Variants in PRDM2 observed in about 807,000 individuals in gnomAD.
PRDM2 encodes PR/SET domain 2, also known as PR domain zinc finger protein 2.
In PRDM2, 30 loss-of-function variants were observed where a neutral mutation model predicts 130.0. That is an observed-to-expected ratio of 0.23 (90% CI 0.17 to 0.31). The LOEUF is 0.31. Ranked by LOEUF, PRDM2 falls within the 10% of genes least tolerant of loss-of-function variation. PRDM2 has a pLI of 1.00. For missense variants in PRDM2, 2,011 were observed against 2,108.4 expected (o/e 0.95, Z 0.90); for synonymous variants, 871 against 782.4 (o/e 1.11, Z -1.89).
In PRDM2 at chr1:13,779,288, T is replaced by C. The variant is rs1217745077; in HGVS notation, c.1493T>C (p.Met498Thr). Residue 498 changes from methionine to threonine, a missense_variant, in exon 8 of 10, where the codon ATG becomes ACG. Met to Thr is a moderately conservative substitution (Grantham distance 81). This residue lies in a region of PRDM2 where 1,288 missense variants were observed against 1,237.7 expected (regional missense o/e 1.04). Coordinates refer to ENST00000311066, the MANE Select transcript of PRDM2 (RefSeq NM_001393986.1). This position sits in a 1 kb window ranked among gnomAD's most constrained non-coding sequence, Gnocchi z 4.9. ...AAGGTTTTTGGAACTCATACTAATA[T>C]GAGACGGCATCAGCGTAGAGTTCAC... ...CKKVFGTHTN[M>T]RRHQRRVHER... 1.2e-6 allele frequency: 2 copies of C among 1,614,100 alleles called. No homozygotes were observed. Among genetic ancestry groups the C allele is most frequent in the Non-Finnish European group, 1.7e-6 (2 of 1,179,996 alleles).
intron 4 of PRDM2, among the ~76,000 whole-genome samples, chr1:13,733,714 A>G (rs983219030): frequency 8.5e-5 from 13 of 152,196 alleles, no homozygotes; most frequent in African/African-American, 2.9e-4. Flanking sequence ...TCCCTGGGGT[A>G]TTGCGTAGGA....
In PRDM2 at chr1:13,749,419, T is replaced by C. The variant is rs757747800; in HGVS notation, c.443T>C (p.Ile148Thr). The C allele has an allele frequency of 6.6e-7, 1 of 1,504,608 alleles. No homozygotes were observed. The highest frequency in any genetic ancestry group is 9.0e-7 in the Non-Finnish European group (1 of 1,113,416). The allele number at this position is 1,504,608 out of a possible 1,614,324, so 93.2% of individuals were successfully genotyped here. The change falls in exon 6 of 10, where the codon ATA (isoleucine) becomes ACA (threonine). Residue 148 changes from isoleucine (I) to threonine (T), a missense_variant. Physicochemically the swap from Ile to Thr is moderately conservative, Grantham distance 89. Coordinates refer to ENST00000311066, the MANE Select transcript of PRDM2 (RefSeq NM_001393986.1). The part of the protein sequence containing the change: ...VWYNGEDNPE[I>T]AAAIEEERAS... ...TACAATGGGGAAGACAACCCTGAGATAGCAGCTGCGATTGAGGAAGAGCGA... is the reference window on the plus strand; with the variant it reads ...TACAATGGGGAAGACAACCCTGAGACAGCAGCTGCGATTGAGGAAGAGCGA...
In PRDM2 at chr1:13,782,731, G is replaced by T. The variant is rs201902236; in HGVS notation, c.4936G>T (p.Gly1646Trp). The part of the protein sequence containing the change: ...RFNIKSRERS[G>W]GPVTRSLQLA... ...CAATATAAAATCTAGAGAGCGGAGT[G>T]GGGGGCCAGTCACCCGGAGCCTTCA... Residue 1646 changes from glycine (G) to tryptophan (W), a missense_variant, in exon 8 of 10, where the codon GGG becomes TGG. Physicochemically the swap from Gly to Trp is radical, Grantham distance 184 (BLOSUM62 -2). Coordinates refer to ENST00000311066, the MANE Select transcript of PRDM2 (RefSeq NM_001393986.1). 1.7e-5 allele frequency: 27 copies of T among 1,613,570 alleles called. No individual in the cohort carries two copies. The highest frequency in any genetic ancestry group is 2.2e-5 in the East Asian group (1 of 44,890).
Position 13,779,869 on chromosome 1 carries a change from AAAC to A in PRDM2, c.2078_2080del (p.Gln693del). On this transcript the variant is annotated inframe_deletion, in exon 8 of 10. Transcript: ENST00000311066. The surrounding 1 kb of genome is among the most constrained non-coding windows in gnomAD (Gnocchi z 4.9). ...AAGTGTTTATTTGTCATCAAAGCTC[AAAC>A]AACTTCTTCAAACCCAAGATAAACT... The A allele has an allele frequency of 7.4e-6, 12 of 1,611,432 alleles. No individual in the cohort carries two copies. The highest frequency in any genetic ancestry group is 9.3e-6 in the Non-Finnish European group (11 of 1,179,682).
At chr1:13,713,344 T>C (rs1642430845) in intron 1 of PRDM2, among the ~76,000 whole-genome samples, 1 of 152,048 alleles carries the variant, frequency 6.6e-6, no homozygotes, top group African/African-American at 2.4e-5. Context: ...ATTGGTGAAA[T>C]GTAGTTAAGA....
intron 1 of PRDM2, among the ~76,000 whole-genome samples, chr1:13,711,385 G>GAATGCAT (rs59155359): frequency 6.6e-6 from 1 of 152,008 alleles, no homozygotes; most frequent in South Asian, 2.1e-4. Context: ...AGTTGCTTTA[G>GAATGCAT]TATTCTATTG....
chr1:13,779,234 A>T lies in PRDM2; in HGVS notation c.1439A>T (p.Lys480Ile). ...SSVVEENGEV[K>I]ELHPCKYCKK... ...GTCGTAGAAGAGAATGGGGAAGTTA[A>T]AGAACTTCATCCGTGCAAATATTGT... The change falls in exon 8 of 10, where the codon AAA becomes ATA. Residue 480 changes from lysine (K) to isoleucine (I), a missense_variant. Physicochemically the swap from Lys to Ile is moderately radical, Grantham distance 102. Coordinates refer to ENST00000311066, the MANE Select transcript of PRDM2 (RefSeq NM_001393986.1). The surrounding 1 kb of genome is among the most constrained non-coding windows in gnomAD (Gnocchi z 4.9). 1 of 1,614,214 alleles carries T rather than the reference A, an allele frequency of 6.2e-7. No individual in the cohort carries two copies. The highest frequency in any genetic ancestry group is 8.5e-7 in the Non-Finnish European group (1 of 1,180,020).
At chr1:13,791,327 C>G (rs1202340995) in intron 8 of PRDM2, among the ~76,000 whole-genome samples, 3 of 152,134 alleles carry the variant, frequency 2.0e-5, no homozygotes, top group Non-Finnish European at 4.4e-5. Flanking sequence ...AAACTTCTAC[C>G]CCCATCACAG....
rs918958663 is a variant in PRDM2 at position 13,749,425 on chromosome 1, C to T, written c.449C>T (p.Ala150Val). The change falls in exon 6 of 10, where the codon GCT becomes GTT. Residue 150 changes from alanine to valine, a missense_variant. By Grantham distance (64) the Ala-to-Val change is moderately conservative. Around this residue, in one of 5 missense-constraint regions of PRDM2, gnomAD observed 1,288 missense variants for 1,237.7 expected, o/e 1.04. Coordinates refer to ENST00000311066, the MANE Select transcript of PRDM2 (RefSeq NM_001393986.1). ...GGGGAAGACAACCCTGAGATAGCAG[C>T]TGCGATTGAGGAAGAGCGAGCCAGC... ...YNGEDNPEIA[A>V]AIEEERASAR... The T allele has an allele frequency of 4.0e-6, 6 of 1,514,032 alleles. No individual in the cohort carries two copies. The highest frequency in any genetic ancestry group is 5.4e-6 in the Non-Finnish European group (6 of 1,119,052). 93.8% of individuals were successfully genotyped at this position (1,514,032 alleles called of 1,614,324 possible).
At chr1:13,720,983 CA>C (rs1487826972) in intron 2 of PRDM2, among the ~76,000 whole-genome samples, 1 of 152,198 alleles carries the variant, frequency 6.6e-6, no homozygotes, top group Admixed American at 6.5e-5. Context: ...ACATGTCTGT[CA>C]CCCCAAAAAG....
At chr1:13,743,876 G>A (rs796981127) in intron 5 of PRDM2, among the ~76,000 whole-genome samples, 35 of 152,202 alleles carry the variant, frequency 2.3e-4, no homozygotes, top group African/African-American at 8.4e-4. Flanking sequence ...TTTTTATTCT[G>A]CTGGATCGTA....
chr1:13,718,456 A>G (rs1642616127), intron 2 of PRDM2, among the ~76,000 whole-genome samples: 1 of 152,316 alleles, frequency 6.6e-6, no homozygotes, highest in Admixed American at 6.5e-5. Flanking sequence ...TACTTTCAGC[A>G]CTGACTATTG....
rs1644618205 is a variant in PRDM2, at chr1:13,781,763, A to G, written c.3968A>G (p.His1323Arg). Residue 1323 changes from histidine to arginine, a missense_variant, in exon 8 of 10, where the codon CAC (histidine) becomes CGC (arginine). Physicochemically the swap from His to Arg is conservative, Grantham distance 29. Around this residue, in one of 5 missense-constraint regions of PRDM2, gnomAD observed 229 missense variants for 364.1 expected, o/e 0.63. Transcript: ENST00000311066. This position sits in a 1 kb window ranked among gnomAD's most constrained non-coding sequence, Gnocchi z 6.1. Reference protein sequence around the residue: ...IGVTATNFTTHNIPQTFTTAI... With the variant: ...IGVTATNFTTRNIPQTFTTAI... ...GTGACAGCCACAAATTTCACTACAC[A>G]CAATATTCCACAGACTTTCACTACC... is the stretch of plus-strand genomic sequence containing the variant. The G allele has an allele frequency of 6.2e-7, 1 of 1,614,092 alleles. No individual in the cohort carries two copies. The highest frequency in any genetic ancestry group is 1.7e-5 in the Admixed American group (1 of 60,004).
At chr1:13,748,053 CA>C (rs1643668495) in intron 5 of PRDM2, among the ~76,000 whole-genome samples, 1 of 152,128 alleles carries the variant, frequency 6.6e-6, no homozygotes, top group Admixed American at 6.5e-5. Context: ...TAGAATGTCC[CA>C]GAGTTTGAGC....
At chr1:13,712,584 G>A (rs1273816469) in intron 1 of PRDM2, among the ~76,000 whole-genome samples, 1 of 151,912 alleles carries the variant, frequency 6.6e-6, no homozygotes, top group Admixed American at 6.6e-5. Context: ...GTGAAACTCC[G>A]TCTCTACTAA....
At chr1:13,766,698 G>A (rs750064716) in intron 6 of PRDM2, among the ~76,000 whole-genome samples, 16 of 152,130 alleles carry the variant, frequency 1.1e-4, no homozygotes, top group Non-Finnish European at 1.0e-4. Flanking sequence ...AGTGAAGATC[G>A]GATGGACCTA....
At chr1:13,819,367 C>T (rs574295556) in intron 9 of PRDM2, among the ~76,000 whole-genome samples, 36 of 152,306 alleles carry the variant, frequency 2.4e-4, no homozygotes, top group African/African-American at 8.7e-4. Flanking sequence ...GTTTCCCAAG[C>T]GAAGCGATCA....
chr1:13,735,657 C>T (rs189161010), intron 4 of PRDM2, among the ~76,000 whole-genome samples: 12 of 152,230 alleles, frequency 7.9e-5, no homozygotes, highest in East Asian at 7.7e-4. Flanking sequence ...CACTGCCTTC[C>T]CCATTATCAA....
chr1:13,781,978 C>A lies in PRDM2; in HGVS notation c.4183C>A (p.Arg1395=). The change falls in exon 8 of 10, where the codon CGA becomes AGA. Residue 1395 remains arginine, a synonymous_variant. Transcript: ENST00000311066. The surrounding 1 kb of genome is among the most constrained non-coding windows in gnomAD (Gnocchi z 6.1). The part of the protein sequence containing the change: ...VLDNSGKNAF[R]RMGQPKRLNF... ...AGATAACTCTGGGAAAAATGCCTTC[C>A]GACGAATGGGACAGCCCAAAAGGCT... The A allele has an allele frequency of 6.2e-7, 1 of 1,614,082 alleles. No homozygotes were observed. Among genetic ancestry groups the A allele is most frequent in the Non-Finnish European group, 8.5e-7 (1 of 1,180,026 alleles).
Sources: allele counts gnomAD v4.1 joint callset (sites outside exome capture counted in the v4.1 genomes callset), GRCh38; gene constraint gnomAD v4.1.1; regional missense constraint gnomAD v4.1.1; non-coding constraint Gnocchi (gnomAD v3.1); transcripts MANE v1.5; gene names NCBI Gene and HGNC (gene_info 2026-07-23, HGNC 2026-07-21).